Variants in PRELID2 observed in about 807,000 individuals in gnomAD.
The protein encoded by PRELID2 is PRELI domain-containing protein 2.
PRELID2 carries 25 observed loss-of-function variants against 28.4 expected under a neutral mutation model. The ratio of observed to expected loss-of-function variants is 0.88; its 90% confidence interval spans 0.64 to 1.23. The LOEUF is 1.23. PRELID2 is among the 50% of genes most tolerant of loss of function. PRELID2 has a pLI of 0.00. For synonymous variants in PRELID2, 76 were observed against 71.6 expected, an observed-to-expected ratio of 1.06 and a Z score of -0.31; for missense variants, 201 against 214.4, an observed-to-expected ratio of 0.94 and a Z score of 0.39.
chr5:145,421,314 G>T, the PRELID2 span, among the ~76,000 whole-genome samples: 296 of 149,636 alleles, frequency 2.0e-3, 3 homozygotes, highest in Non-Finnish European at 4.8e-4. Flanking sequence ...AATGGTACCA[G>T]TTCCTCCTTG....
intron 1 of PRELID2, among the ~76,000 whole-genome samples, chr5:145,563,799 C>A (rs1752943221): frequency 6.6e-6 from 1 of 152,090 alleles, no homozygotes; most frequent in South Asian, 2.1e-4. Context: ...AGGTGTTGGT[C>A]AAAGAGTATA....
rs1757307674 is a variant in PRELID2, at chr5:145,757,892, G to GA, written c.*2643dup. On this transcript the variant is annotated 3_prime_UTR_variant, in exon 7 of 7. Coordinates refer to ENST00000683046, the MANE Select transcript of PRELID2 (RefSeq NM_205846.3). ...TGGAAGCAATAGCTGCCTGCAGGGG[G>GA]AAAATTACTGAGTGAGGAAAAGTAA... Among the ~76,000 whole-genome samples the GA allele has an allele frequency of 1.3e-5, 2 of 152,012 alleles. No individual in the cohort carries two copies. The highest frequency in any genetic ancestry group is 1.5e-5 in the Non-Finnish European group (1 of 67,992).
the PRELID2 span, among the ~76,000 whole-genome samples, chr5:145,377,879 T>G: frequency 3.3e-5 from 5 of 152,170 alleles, no homozygotes; most frequent in African/African-American, 1.2e-4. Context: ...TATGTGTGGA[T>G]TTGATCCTGT....
chr5:145,265,960 C>A, the PRELID2 span, among the ~76,000 whole-genome samples: 1 of 151,892 alleles, frequency 6.6e-6, no homozygotes, highest in Non-Finnish European at 1.5e-5. Flanking sequence ...GATAAATAGA[C>A]AATAGACGGG....
intron 1 of PRELID2, among the ~76,000 whole-genome samples, chr5:145,521,550 A>G (rs1001623261): frequency 6.8e-6 from 1 of 146,366 alleles, no homozygotes; most frequent in African/African-American, 2.4e-5. Flanking sequence ...TACTGTATAC[A>G]TTACACACAC....
rs552746530 is a variant in PRELID2 at position 145,596,099 on chromosome 5, C to CAAAAAAAA, written n.71-122792_71-122785dup. ...TGGGTGACAGAGTGAGAGCCTGTCT[C>CAAAAAAAA]AAAAAAAAAAAAAAAAAAAAGTCTG... On this transcript the variant is annotated intron_variant and non_coding_transcript_variant, in intron 1 of 2. Transcript: ENST00000510259. Among the ~76,000 whole-genome samples, 31 of 43,958 alleles carry CAAAAAAAA rather than the reference C, an allele frequency of 7.1e-4. 1 individual carries two copies. Among genetic ancestry groups the CAAAAAAAA allele is most frequent in the African/African-American group, 2.5e-3 (26 of 10,388 alleles). 28.8% of individuals were successfully genotyped at this position (43,958 alleles called of 152,430 possible).
At chr5:145,509,352 C>T (rs778304822) in intron 1 of PRELID2, among the ~76,000 whole-genome samples, 1 of 152,158 alleles carries the variant, frequency 6.6e-6, no homozygotes, top group Non-Finnish European at 1.5e-5. Flanking sequence ...ACTACATTGG[C>T]CTGATTTTCC....
chr5:145,384,912 C>T, the PRELID2 span, among the ~76,000 whole-genome samples: 1 of 152,158 alleles, frequency 6.6e-6, no homozygotes, highest in Non-Finnish European at 1.5e-5. Flanking sequence ...TCACCTCCCA[C>T]CAGGCCCCAC....
At position 145,751,092 on chromosome 5, in the gene PRELID2, G is replaced by A. The variant is rs185360973; in HGVS notation, n.70+13839C>T. On this transcript the variant is annotated intron_variant and non_coding_transcript_variant, in intron 1 of 2. Transcript: ENST00000510259. ...CCAGGAAAACAAAAGAGGAAACAGC[G>A]TTTCCCAAACACATACACTACAGGG... 2.7e-3 allele frequency among the ~76,000 whole-genome samples: 411 copies of A among 152,236 alleles called. 2 individuals carry two copies. The highest frequency in any genetic ancestry group is 9.1e-3 in the African/African-American group (377 of 41,540).
At chr5:145,698,190 G>A (rs562503714) in intron 1 of PRELID2, among the ~76,000 whole-genome samples, 35 of 151,992 alleles carry the variant, frequency 2.3e-4, no homozygotes, top group African/African-American at 6.5e-4. Flanking sequence ...TTATTCATTC[G>A]GAAAATTCTG....
the PRELID2 span, among the ~76,000 whole-genome samples, chr5:145,308,006 T>C: frequency 6.6e-6 from 1 of 152,116 alleles, no homozygotes; most frequent in Non-Finnish European, 1.5e-5. Flanking sequence ...TCAGTCTAAT[T>C]AAAGTGAGAG....
At chr5:145,332,957 G>A in the PRELID2 span, among the ~76,000 whole-genome samples, 1 of 152,078 alleles carries the variant, frequency 6.6e-6, no homozygotes, top group Non-Finnish European at 1.5e-5. Flanking sequence ...TTTTTGTATG[G>A]ACGTCCTTTT....
chr5:145,271,363 C>T, the PRELID2 span, among the ~76,000 whole-genome samples: 1 of 151,936 alleles, frequency 6.6e-6, no homozygotes, highest in East Asian at 1.9e-4. Context: ...TAGCTGGCAC[C>T]ACAGGCATGT....
chr5:145,567,352 TTTGG>T (rs1752976010), intron 1 of PRELID2, among the ~76,000 whole-genome samples: 3 of 150,024 alleles, frequency 2.0e-5, no homozygotes, highest in African/African-American at 7.4e-5. Context: ...GATGGTTTGG[TTTGG>T]TTTGGTTTGG....
At chr5:145,286,333 A>G in the PRELID2 span, among the ~76,000 whole-genome samples, 6 of 152,186 alleles carry the variant, frequency 3.9e-5, no homozygotes, top group East Asian at 1.2e-3. Flanking sequence ...CCTTTGCCAT[A>G]TTCATGGCAG....
chr5:145,598,151 C>T (rs554805226), intron 1 of PRELID2, among the ~76,000 whole-genome samples: 5 of 151,928 alleles, frequency 3.3e-5, no homozygotes, highest in East Asian at 3.9e-4. Flanking sequence ...CTTTGTGATC[C>T]GGAGGGAATG....
At chr5:145,458,173 AC>A in the PRELID2 span, among the ~76,000 whole-genome samples, 3 of 152,328 alleles carry the variant, frequency 2.0e-5, no homozygotes, top group African/African-American at 7.2e-5. Flanking sequence ...TTAGTAAGAT[AC>A]AAAAAATTTT....
chr5:145,812,401 C>G (rs947808532), intron 4 of PRELID2, among the ~76,000 whole-genome samples: 1 of 152,224 alleles, frequency 6.6e-6, no homozygotes, highest in African/African-American at 2.4e-5. Flanking sequence ...CGCTCAGATT[C>G]TAAAGCTAAT....
the PRELID2 span, among the ~76,000 whole-genome samples, chr5:145,371,787 G>T: frequency 1.3e-5 from 2 of 151,052 alleles, no homozygotes; most frequent in South Asian, 4.2e-4. Context: ...TCTCTGTGGG[G>T]TCAGTGGTGA....
Sources: gnomAD v4.1 joint callset for allele counts (sites outside exome capture counted in the v4.1 genomes callset) on GRCh38, gnomAD v4.1.1 for gene constraint, MANE v1.5 for transcripts, NCBI Gene and HGNC (gene_info 2026-07-23, HGNC 2026-07-21) for gene names.